Variants in MAGI2 observed in about 807,000 individuals in gnomAD.
The protein encoded by MAGI2 is membrane-associated guanylate kinase, WW and PDZ domain-containing protein 2.
MAGI2 carries 35 observed loss-of-function variants against 133.3 expected under a neutral mutation model. The observed-to-expected ratio is 0.26, with a 90% CI of 0.20 to 0.35. The LOEUF (loss-of-function observed/expected upper bound fraction) is 0.35, where lower values mean the gene tolerates loss of function less well. Ranked by LOEUF, MAGI2 falls within the 10% of genes least tolerant of loss-of-function variation. MAGI2 has a pLI of 1.00. For synonymous variants in MAGI2, 729 were observed against 710.6 expected, an observed-to-expected ratio of 1.03 and a Z score of -0.41; for missense variants, 1,636 against 1,863.4, an observed-to-expected ratio of 0.88 and a Z score of 2.25.
chr7:79,440,229 A>G (rs1459763209), intron 1 of MAGI2, among the ~76,000 whole-genome samples: 2 of 150,436 alleles, frequency 1.3e-5, no homozygotes, highest in Non-Finnish European at 3.0e-5. Flanking sequence ...AATGGATTCT[A>G]GCCTTGGAAT....
chr7:78,480,854 A>T (rs1196432093), intron 6 of MAGI2, among the ~76,000 whole-genome samples: 1 of 151,952 alleles, frequency 6.6e-6, no homozygotes, highest in African/African-American at 2.4e-5. Flanking sequence ...TTAGGTATAC[A>T]CTAAACAAAA....
chr7:78,705,004 G>C (rs1444010613), intron 2 of MAGI2, among the ~76,000 whole-genome samples: 2 of 152,046 alleles, frequency 1.3e-5, no homozygotes, highest in Non-Finnish European at 2.9e-5. Flanking sequence ...GCCTACTTGA[G>C]GGTAGAGGGT....
intron 7 of MAGI2, among the ~76,000 whole-genome samples, chr7:78,364,443 T>C (rs1043565861): frequency 8.5e-5 from 13 of 152,336 alleles, no homozygotes; most frequent in African/African-American, 3.1e-4. Flanking sequence ...CCATTTACAT[T>C]AAATGTTACA....
intron 7 of MAGI2, chr7:78,348,487 G>A (rs1298228381): frequency 6.6e-6 from 1 of 151,880 alleles, no homozygotes; most frequent in Non-Finnish European, 1.5e-5. Flanking sequence ...TTATTCTAAG[G>A]ATGTTTTTCC....
At chr7:78,212,954 C>T (rs974249726) in intron 10 of MAGI2, among the ~76,000 whole-genome samples, 12 of 152,226 alleles carry the variant, frequency 7.9e-5, no homozygotes, top group South Asian at 2.1e-4. Context: ...GGGATTACAG[C>T]GTGAGCCACC....
intron 20 of MAGI2, among the ~76,000 whole-genome samples, chr7:78,102,243 C>A (rs534069973): frequency 6.6e-6 from 1 of 152,216 alleles, no homozygotes; most frequent in Non-Finnish European, 1.5e-5. Context: ...TACAAACTTG[C>A]AGTTACAAGA....
intron 7 of MAGI2, among the ~76,000 whole-genome samples, chr7:78,354,125 C>T (rs2151212722): frequency 6.6e-6 from 1 of 152,252 alleles, no homozygotes; most frequent in African/African-American, 2.4e-5. Context: ...GTATTGTTTT[C>T]ACCTAGGGTA....
intron 1 of MAGI2, among the ~76,000 whole-genome samples, chr7:79,381,586 T>C (rs1843785642): frequency 1.3e-5 from 2 of 151,704 alleles, no homozygotes; most frequent in Admixed American, 6.6e-5. Context: ...CCCATAAAAA[T>C]CAGCAAATAA....
intron 20 of MAGI2, among the ~76,000 whole-genome samples, chr7:78,082,120 C>G (rs1816039920): frequency 6.6e-6 from 1 of 152,188 alleles, no homozygotes; most frequent in Admixed American, 6.5e-5. Flanking sequence ...AACCAAAAAC[C>G]ATGTGGAGGG....
chr7:78,223,982 A>G (rs1275202841), intron 10 of MAGI2, among the ~76,000 whole-genome samples: 5 of 152,186 alleles, frequency 3.3e-5, no homozygotes, highest in Non-Finnish European at 7.3e-5. Flanking sequence ...TGCAGAAGCA[A>G]TTGCTCTCCT....
At position 78,784,483 on chromosome 7, in the gene MAGI2, C is replaced by A. The variant is rs376733881; in HGVS notation, c.419-157244G>T. On this transcript the variant is annotated intron_variant, in intron 2 of 21. Coordinates refer to ENST00000354212, the MANE Select transcript of MAGI2 (RefSeq NM_012301.4). ...TCATAAAAACTAGTTATCACTCTAA[C>A]TTTCCCCACCTTTCTGTCTAGGGGT... Among the ~76,000 whole-genome samples the A allele has an allele frequency of 3.9e-5, 6 of 152,334 alleles. No individual in the cohort carries two copies. The East Asian group carries it at 5.8e-4, about 15-fold the overall frequency.
At chr7:79,039,415 C>A (rs1689671772) in intron 1 of MAGI2, among the ~76,000 whole-genome samples, 1 of 151,952 alleles carries the variant, frequency 6.6e-6, no homozygotes, top group Non-Finnish European at 1.5e-5. Flanking sequence ...TGTCATAATT[C>A]TTTTCTTTTT....
intron 1 of MAGI2, among the ~76,000 whole-genome samples, chr7:79,338,535 C>A (rs1335500825): frequency 6.6e-6 from 1 of 152,028 alleles, no homozygotes; most frequent in Non-Finnish European, 1.5e-5. Flanking sequence ...CTTTTAAAAC[C>A]AGGGTCTTTA....
rs145837754 is a variant in MAGI2, at chr7:79,381,758, A to C, written c.301+71262T>G. ...TAAGGGGAAGATTTTGACCAAGTAC[A>C]GTGCTGTGTGCTCAATAGAAACATA... On this transcript the variant is annotated intron_variant, in intron 1 of 21. Transcript: ENST00000354212. 5.9e-5 allele frequency among the ~76,000 whole-genome samples: 9 copies of C among 151,872 alleles called. No homozygotes were observed. The East Asian group carries it at 1.7e-3, about 29-fold the overall frequency.
intron 1 of MAGI2, among the ~76,000 whole-genome samples, chr7:79,143,148 A>G (rs1822289102): frequency 6.6e-6 from 1 of 152,212 alleles, no homozygotes; most frequent in African/African-American, 2.4e-5. Context: ...GTGTTTAATC[A>G]GTATACATAG....
intron 2 of MAGI2, among the ~76,000 whole-genome samples, chr7:78,667,633 A>G (rs1305718519): frequency 4.7e-5 from 7 of 150,312 alleles, no homozygotes; most frequent in Non-Finnish European, 8.8e-5. Flanking sequence ...GAGTGAGAAC[A>G]TGCAGTGTTT....
At chr7:78,194,693 A>G (rs1300684452) in intron 12 of MAGI2, among the ~76,000 whole-genome samples, 181 bp downstream of exon 12, 2 of 152,244 alleles carry the variant, frequency 1.3e-5, no homozygotes, top group African/African-American at 2.4e-5. Context: ...AAAAGATATA[A>G]TAAACCGACT....
chr7:78,279,148 C>G (rs76069959), intron 9 of MAGI2, among the ~76,000 whole-genome samples: 2 of 151,988 alleles, frequency 1.3e-5, no homozygotes, highest in Admixed American at 1.3e-4. Flanking sequence ...GCACAAACAC[C>G]GAATGGGATC....
At chr7:78,528,225 G>T (rs1797149896) in intron 3 of MAGI2, among the ~76,000 whole-genome samples, 1 of 152,230 alleles carries the variant, frequency 6.6e-6, no homozygotes, top group African/African-American at 2.4e-5. Flanking sequence ...TTGATGCTTG[G>T]CCTCTTTAAT....
Sources: allele counts gnomAD v4.1 joint callset (sites outside exome capture counted in the v4.1 genomes callset), GRCh38; gene constraint gnomAD v4.1.1; transcripts MANE v1.5; gene names NCBI Gene and HGNC (gene_info 2026-07-23, HGNC 2026-07-21).